The following CCDC7 variants were observed in gnomAD, a reference collection of about 807,000 sequenced individuals.
CCDC7 encodes coiled-coil domain-containing protein 7.
Under a neutral mutation model 196.9 loss-of-function variants are expected in CCDC7, and 183 were observed. The ratio of observed to expected loss-of-function variants is 0.93; its 90% confidence interval spans 0.82 to 1.05. The LOEUF is 1.05. Ranked by LOEUF, CCDC7 falls within the 50% of genes least tolerant of loss-of-function variation. The probability of loss-of-function intolerance (pLI) is 0.00; values close to 1 mark genes in which losing one functional copy is unlikely to be tolerated. For synonymous variants in CCDC7, 525 were observed against 484.6 expected, an observed-to-expected ratio of 1.08 and a Z score of -1.10; for missense variants, 1,540 against 1,482.2, an observed-to-expected ratio of 1.04 and a Z score of -0.64.
intron 9 of CCDC7, among the ~76,000 whole-genome samples, chr10:32,503,160 C>T (rs886275198): frequency 2.0e-5 from 3 of 151,666 alleles, no homozygotes; most frequent in Non-Finnish European, 4.4e-5. Flanking sequence ...GACTAATTGT[C>T]CTGGCTTGGA....
intron 5 of CCDC7, among the ~76,000 whole-genome samples, 173 bp downstream of exon 6, chr10:32,463,222 C>T (rs1235835981): frequency 6.6e-6 from 1 of 152,132 alleles, no homozygotes; most frequent in Non-Finnish European, 1.5e-5. Context: ...AAATATTTCT[C>T]AGTGACCTAC....
chr10:32,705,915 C>T (rs956697157), intron 24 of CCDC7, among the ~76,000 whole-genome samples: 1 of 152,086 alleles, frequency 6.6e-6, no homozygotes, highest in Admixed American at 6.5e-5. Flanking sequence ...ATCAACGAGA[C>T]AGAAAGTTAA....
chr10:32,592,961 T>TG (rs36146632), intron 18 of CCDC7, among the ~76,000 whole-genome samples: 7,807 of 152,182 alleles, frequency 0.051, 666 homozygotes, highest in African/African-American at 0.18. Flanking sequence ...GATGGACATT[T>TG]GGTTGGTTCC....
intron 20 of CCDC7, among the ~76,000 whole-genome samples, chr10:32,642,116 C>T (rs1316552465): frequency 6.6e-6 from 1 of 152,218 alleles, no homozygotes; most frequent in Non-Finnish European, 1.5e-5. Flanking sequence ...CTTGAGGAGG[C>T]AGTCTGTCCG....
intron 20 of CCDC7, among the ~76,000 whole-genome samples, chr10:32,659,843 CA>C (rs772721246): frequency 2.6e-5 from 4 of 152,096 alleles, no homozygotes; most frequent in Admixed American, 6.6e-5. Flanking sequence ...GGCAAAGTTG[CA>C]AAGGAAAAGG....
At chr10:32,602,243 A>G (rs541916644) in intron 18 of CCDC7, among the ~76,000 whole-genome samples, 67 of 152,186 alleles carry the variant, frequency 4.4e-4, no homozygotes, top group Non-Finnish European at 8.2e-4. Context: ...TCACTCCTGA[A>G]GTTAGCAAGA....
chr10:32,830,121 GATATAT>G lies in CCDC7; in HGVS notation c.3269-4679_3269-4674del. On this transcript the variant is annotated intron_variant, in intron 32 of 41. Transcript: ENST00000639629. ...TCCTATTAGTTCTTATATATATAAG[GATATAT>G]ATATATATATATATCCTATTAGTTC... Among the ~76,000 whole-genome samples the G allele has an allele frequency of 1.1e-3, 58 of 50,656 alleles. 3 individuals carry two copies. The highest frequency in any genetic ancestry group is 2.3e-3 in the African/African-American group (52 of 22,130). 33.2% of individuals were successfully genotyped at this position (50,656 alleles called of 152,430 possible). A position where few individuals can be genotyped will look rare whatever the true frequency, so the allele number is the denominator to read the frequency against.
At position 32,470,405 on chromosome 10, in the gene CCDC7, AGGTTTCTTTTGCTGT is replaced by A. The variant is rs1430258618; in HGVS notation, c.511-653_511-639del. 5.9e-5 allele frequency among the ~76,000 whole-genome samples: 9 copies of A among 152,198 alleles called. No homozygotes were observed. The East Asian group carries it at 1.7e-3, about 29-fold the overall frequency. On this transcript the variant is annotated intron_variant, in intron 5 of 41. Transcript: ENST00000639629. ...ATGTCTCCACACATTGGCTGTTTGTAGGTTTCTTTTGCTGTGGTTTTTGGACACTCATTCTTGCTG... is the reference window on the plus strand; with the variant it reads ...ATGTCTCCACACATTGGCTGTTTGTAGGTTTTTGGACACTCATTCTTGCTG...
intron 8 of CCDC7, among the ~76,000 whole-genome samples, chr10:32,479,633 C>G (rs553977055): frequency 5.5e-4 from 84 of 152,208 alleles, no homozygotes; most frequent in Non-Finnish European, 1.0e-3. Flanking sequence ...ATATTTGTAT[C>G]CATATTCATC....
intron 29 of CCDC7, among the ~76,000 whole-genome samples, chr10:32,803,551 A>G (rs1011297754): frequency 5.3e-5 from 8 of 151,992 alleles, no homozygotes; most frequent in African/African-American, 1.9e-4. Context: ...AAGTATAGCT[A>G]TTTCTTAACT....
At chr10:32,756,521 G>C (rs975613191) in intron 28 of CCDC7, among the ~76,000 whole-genome samples, 18 of 152,148 alleles carry the variant, frequency 1.2e-4, no homozygotes, top group Non-Finnish European at 1.9e-4. Context: ...AAGTGAAGGA[G>C]AAATAAAATC....
Position 32,763,179 on chromosome 10 carries a change from A to G in CCDC7, c.2906-15798A>G, listed in dbSNP as rs1349856541. ...AACTTAACAGCAAAATGACAATAAT[A>G]AAAGTCTGACAAAAATGGGCAAAGA... On this transcript the variant is annotated intron_variant, in intron 28 of 41. Coordinates refer to ENST00000639629, the Ensembl canonical transcript of CCDC7. 3.3e-5 allele frequency among the ~76,000 whole-genome samples: 5 copies of G among 152,120 alleles called. No individual in the cohort carries two copies. The East Asian group carries it at 9.6e-4, about 29-fold the overall frequency.
chr10:32,707,451 G>T (rs2504346), intron 24 of CCDC7, among the ~76,000 whole-genome samples: 1 of 152,002 alleles, frequency 6.6e-6, no homozygotes, highest in Admixed American at 6.5e-5. Flanking sequence ...ATTCAACATA[G>T]TATTGGAAGT....
Position 32,496,525 on chromosome 10 carries a change from G to T in CCDC7, c.872+4528G>T, listed in dbSNP as rs557896573. On this transcript the variant is annotated intron_variant, in intron 9 of 41. Transcript: ENST00000639629. ...TATGATATACTGATATTGGCTGTGG[G>T]TTTGTCATAAATAGCTCTTATTATT... Among the ~76,000 whole-genome samples, 9 of 152,224 alleles carry T rather than the reference G, an allele frequency of 5.9e-5. 1 individual carries two copies. In the South Asian group the frequency reaches 1.9e-3, roughly 32 times the overall value.
downstream of CCDC7, among the ~76,000 whole-genome samples, chr10:32,878,167 T>C (rs2094656759): frequency 6.6e-6 from 1 of 152,120 alleles, no homozygotes; most frequent in African/African-American, 2.4e-5. Flanking sequence ...TATGTGGCTC[T>C]TGGGCTCTTT....
chr10:32,501,617 G>C (rs2044049762), intron 9 of CCDC7, among the ~76,000 whole-genome samples: 1 of 152,186 alleles, frequency 6.6e-6, no homozygotes, highest in Non-Finnish European at 1.5e-5. Context: ...GTCTGCTGGA[G>C]TTTGCTGGAG....
intron 13 of CCDC7, among the ~76,000 whole-genome samples, chr10:32,549,332 G>T (rs2136278161): frequency 6.6e-6 from 1 of 152,200 alleles, no homozygotes; most frequent in Non-Finnish European, 1.5e-5. Flanking sequence ...CAGATGTATG[G>T]ATTGTGAAGA....
At chr10:32,509,651 A>C (rs559309865) in intron 9 of CCDC7, among the ~76,000 whole-genome samples, 1 of 152,194 alleles carries the variant, frequency 6.6e-6, no homozygotes, top group Non-Finnish European at 1.5e-5. Flanking sequence ...TTCAAACTGT[A>C]CATCTGATAA....
At chr10:32,521,592 T>C (rs915253088) in intron 11 of CCDC7, among the ~76,000 whole-genome samples, 2 of 152,004 alleles carry the variant, frequency 1.3e-5, no homozygotes, top group African/African-American at 4.8e-5. Flanking sequence ...TTTTTTTTTT[T>C]TGGCCAGTCT....
Sources: gnomAD v4.1 joint callset for allele counts (sites outside exome capture counted in the v4.1 genomes callset) on GRCh38, gnomAD v4.1.1 for gene constraint, MANE v1.5 for transcripts, NCBI Gene and HGNC (gene_info 2026-07-23, HGNC 2026-07-21) for gene names.